Variants in LETM1 observed in about 807,000 individuals in gnomAD.
LETM1 encodes mitochondrial proton/calcium exchanger protein.
In LETM1, 50 loss-of-function variants were observed where a neutral mutation model predicts 74.5. That is an observed-to-expected ratio of 0.67 (90% CI 0.53 to 0.85). LETM1 has a LOEUF of 0.85. LETM1 is among the 40% of genes least tolerant of loss of function. The probability of loss-of-function intolerance (pLI) is 0.00; values close to 1 mark genes in which losing one functional copy is unlikely to be tolerated. For missense variants in LETM1, 824 were observed against 967.8 expected (o/e 0.85, Z 1.97); for synonymous variants, 446 against 407.1 (o/e 1.10, Z -1.15).
intron 3 of LETM1, among the ~76,000 whole-genome samples, chr4:1,838,037 A>G (rs1439676318): frequency 6.6e-6 from 1 of 152,174 alleles, no homozygotes; most frequent in African/African-American, 2.4e-5. Flanking sequence ...TTGTAAACAC[A>G]AAAGCAGAAC....
At chr4:1,840,476 G>A (rs1392120354) in intron 3 of LETM1, among the ~76,000 whole-genome samples, 1 of 151,986 alleles carries the variant, frequency 6.6e-6, no homozygotes, top group Non-Finnish European at 1.5e-5. Context: ...GACCATTCTG[G>A]CTAACACGGT....
chr4:1,831,962 C>T (rs1326980377), intron 6 of LETM1, among the ~76,000 whole-genome samples: 1 of 152,172 alleles, frequency 6.6e-6, no homozygotes, highest in Admixed American at 6.5e-5. Context: ...ACAAGAGGAA[C>T]AGTTTTACCT....
At chr4:1,843,657 T>C (rs1002117939) in intron 2 of LETM1, among the ~76,000 whole-genome samples, 2 of 152,158 alleles carry the variant, frequency 1.3e-5, no homozygotes, top group Non-Finnish European at 2.9e-5. Flanking sequence ...CAATGAGGCC[T>C]GGGAGGGGTG....
Position 1,816,863 on chromosome 4 carries a change from C to A in LETM1, c.1795G>T (p.Val599Leu), listed in dbSNP as rs756578993. 2.4e-5 allele frequency: 39 copies of A among 1,613,952 alleles called. No homozygotes were observed. The highest frequency in any genetic ancestry group is 1.7e-4 in the Middle Eastern group (1 of 6,060). Residue 599 changes from valine (V) to leucine (L), a missense_variant, in exon 12 of 14, where the codon GTG (valine) becomes TTG (leucine). By Grantham distance (32) the Val-to-Leu change is conservative. Transcript: ENST00000302787. ...ELSKTGEEKY[V>L]EESKASKRLT... The stretch of plus-strand genomic sequence containing the variant: ...CTCTTGCTGGCTTTAGATTCTTCCA[C>A]GTACTTTTCTTCACCAGTCTTTGAA...
At chr4:1,814,633 A>G in intron 13 of LETM1, 60 bp from the exon 14 acceptor site, 1 of 1,480,880 alleles carries the variant, frequency 6.8e-7, no homozygotes, top group Non-Finnish European at 9.4e-7. Flanking sequence ...AGTGAGGCAG[A>G]GGCGGGGCCA....
chr4:1,823,707 G>C lies in LETM1; in HGVS notation c.1269C>G (p.Leu423=). Residue 423 remains leucine, a synonymous_variant, in exon 8 of 14, where the codon CTC becomes CTG. Transcript: ENST00000302787. ...GGTCGGCTGGAGAGAGGGTGTCCGG[G>C]AGGTACATGGCCCGGGACAGGATGA... The part of the protein sequence containing the change: ...SLLILSRAMY[L]PDTLSPADQL... The C allele has an allele frequency of 6.2e-7, 1 of 1,613,984 alleles. No individual in the cohort carries two copies. The highest frequency in any genetic ancestry group is 8.5e-7 in the Non-Finnish European group (1 of 1,179,968).
At chr4:1,855,092 CAGA>C (rs1346834388) in intron 1 of LETM1, among the ~76,000 whole-genome samples, 1 of 152,048 alleles carries the variant, frequency 6.6e-6, no homozygotes, top group Non-Finnish European at 1.5e-5. Flanking sequence ...GAGGCTGAGG[CAGA>C]AGGATAGCTT....
chr4:1,841,194 A>G (rs1292131815), intron 3 of LETM1, among the ~76,000 whole-genome samples, 153 bp downstream of exon 3: 1 of 152,188 alleles, frequency 6.6e-6, no homozygotes, highest in Admixed American at 6.5e-5. Flanking sequence ...TATAAAAAAC[A>G]ATTAGCCAGG....
Position 1,834,639 on chromosome 4 carries a change from C to A in LETM1, c.876+206G>T. 1 of 1,398,672 alleles carries A rather than the reference C, an allele frequency of 7.1e-7. No individual in the cohort carries two copies. The highest frequency in any genetic ancestry group is 3.0e-5 in the Admixed American group (1 of 32,828). The allele number at this position is 1,398,672 out of a possible 1,614,324, so 86.6% of individuals were successfully genotyped here. On this transcript the variant is annotated intron_variant, in intron 5 of 13. Coordinates refer to ENST00000302787, the MANE Select transcript of LETM1 (RefSeq NM_012318.3). The surrounding 1 kb of genome is among the most constrained non-coding windows in gnomAD (Gnocchi z 5.0). ...CCCATAATTCTGAAGGCTGACGAGG[C>A]GCAGCCACCACAGCTTAACTCACTG... is the stretch of plus-strand genomic sequence containing the variant.
chr4:1,826,362 G>T (rs1199853158), intron 6 of LETM1, among the ~76,000 whole-genome samples: 6 of 152,212 alleles, frequency 3.9e-5, no homozygotes, highest in Non-Finnish European at 8.8e-5. Flanking sequence ...AACCAAACTT[G>T]ACGTAACTGT....
chr4:1,840,469 C>A (rs910502837), intron 3 of LETM1, among the ~76,000 whole-genome samples: 8 of 151,888 alleles, frequency 5.3e-5, no homozygotes, highest in Non-Finnish European at 1.0e-4. Flanking sequence ...AGATCAAGAC[C>A]ATTCTGGCTA....
chr4:1,847,531 C>T (rs773091020), intron 2 of LETM1, among the ~76,000 whole-genome samples: 5 of 150,698 alleles, frequency 3.3e-5, no homozygotes, highest in Non-Finnish European at 7.4e-5. Context: ...AAGAAAATAA[C>T]GGGAGCAGCT....
rs5855720 is a variant in LETM1 at position 1,812,364 on chromosome 4, CAAAAAAAAAAAA to C, written c.*2048_*2059del. 1.9e-4 allele frequency: 8 copies of C among 42,072 alleles called. No homozygotes were observed. The highest frequency in any genetic ancestry group is 4.1e-4 in the African/African-American group (4 of 9,720). The allele number at this position is 42,072 out of a possible 1,614,324, so 2.6% of individuals were successfully genotyped here. ...TGGGTGACAGAGCGAGACTCTGTAT[CAAAAAAAAAAAA>C]AAAAAAAAAAAAAAGTGAGTGCTTA... On this transcript the variant is annotated 3_prime_UTR_variant, in exon 14 of 14. Transcript: ENST00000302787.
intron 1 of LETM1, among the ~76,000 whole-genome samples, chr4:1,851,950 A>T (rs1713083867): frequency 6.6e-6 from 1 of 152,194 alleles, no homozygotes; most frequent in Admixed American, 6.5e-5. Context: ...AGGAACCCCC[A>T]GTCAAGGCCG....
At chr4:1,845,035 C>T (rs1234155284) in intron 2 of LETM1, among the ~76,000 whole-genome samples, 1 of 150,276 alleles carries the variant, frequency 6.7e-6, no homozygotes, top group Non-Finnish European at 1.5e-5. Flanking sequence ...ACTAAAAGTA[C>T]AAAAATTAGC....
chr4:1,831,721 T>C (rs1712276582), intron 6 of LETM1, among the ~76,000 whole-genome samples: 1 of 152,232 alleles, frequency 6.6e-6, no homozygotes, highest in Non-Finnish European at 1.5e-5. Flanking sequence ...CCTTGATTCA[T>C]GGAAATGACT....
intron 1 of LETM1, among the ~76,000 whole-genome samples, chr4:1,852,732 C>A (rs1458103911): frequency 6.6e-6 from 1 of 152,186 alleles, no homozygotes; most frequent in African/African-American, 2.4e-5. Flanking sequence ...GCAACAGAGA[C>A]CCTGTCTACA....
At chr4:1,814,683 A>C in intron 13 of LETM1, 110 bp from the exon 14 acceptor site, 1 of 870,412 alleles carries the variant, frequency 1.1e-6, no homozygotes, top group Non-Finnish European at 1.8e-6. Context: ...AGCAGCATGC[A>C]CGCAATCACT....
At chr4:1,830,174 T>G (rs1042488572) in intron 6 of LETM1, among the ~76,000 whole-genome samples, 2 of 152,268 alleles carry the variant, frequency 1.3e-5, no homozygotes, top group African/African-American at 4.8e-5. Flanking sequence ...TACAATGTTT[T>G]CTACTATTTT....
Sources: gnomAD v4.1 joint callset for allele counts (sites outside exome capture counted in the v4.1 genomes callset) on GRCh38, gnomAD v4.1.1 for gene constraint, Gnocchi (gnomAD v3.1) non-coding constraint, MANE v1.5 for transcripts, NCBI Gene and HGNC (gene_info 2026-07-23, HGNC 2026-07-21) for gene names.